SH3GL2: variants seen among roughly 807,000 people sequenced by gnomAD.
SH3GL2 encodes the protein endophilin-A1.
Under a neutral mutation model 46.0 loss-of-function variants are expected in SH3GL2, and 24 were observed. The ratio of observed to expected loss-of-function variants is 0.52; its 90% CI spans 0.38 to 0.73. The LOEUF (loss-of-function observed/expected upper bound fraction) is 0.73. Among genes scored for constraint, SH3GL2 ranks in the 30% least tolerant of loss-of-function variants. SH3GL2 has a pLI of 0.00. For missense variants in SH3GL2, 413 were observed against 424.2 expected, an observed-to-expected ratio of 0.97 and a Z score of 0.23; for synonymous variants, 196 against 147.1, an observed-to-expected ratio of 1.33 and a Z score of -2.40.
chr9:17,743,394 G>A (rs1415701220), intron 1 of SH3GL2, among the ~76,000 whole-genome samples: 1 of 149,282 alleles, frequency 6.7e-6, no homozygotes, highest in Non-Finnish European at 1.5e-5. Flanking sequence ...CAGTATAAGT[G>A]TATCAGTACA....
At position 17,760,681 on chromosome 9, in the gene SH3GL2, G is replaced by T. The variant is rs1588310045; in HGVS notation, c.115-756G>T. 2.0e-5 allele frequency among the ~76,000 whole-genome samples: 3 copies of T among 152,054 alleles called. No individual in the cohort carries two copies. The South Asian group carries it at 6.2e-4, about 32-fold the overall frequency. On this transcript the variant is annotated intron_variant, in intron 2 of 8. Transcript: ENST00000380607. Reference sequence around the variant, plus strand: ...TTACATGTACATACCTTGAATAGGAGGATGCATTTATTCTCATTAGTCATT... The same window carrying T: ...TTACATGTACATACCTTGAATAGGATGATGCATTTATTCTCATTAGTCATT...
intron 1 of SH3GL2, among the ~76,000 whole-genome samples, chr9:17,580,320 T>C (rs1389540439): frequency 6.6e-6 from 1 of 152,226 alleles, no homozygotes; most frequent in African/African-American, 2.4e-5. Context: ...TTTCTCATAA[T>C]TTCTCGGAAG....
intron 1 of SH3GL2, among the ~76,000 whole-genome samples, chr9:17,617,277 C>T (rs765473923): frequency 3.9e-5 from 6 of 152,116 alleles, no homozygotes; most frequent in Non-Finnish European, 4.4e-5. Context: ...TAAAGTTGTA[C>T]ATATATGTAG....
At chr9:17,733,521 G>C (rs1563831674) in intron 1 of SH3GL2, among the ~76,000 whole-genome samples, 3 of 150,832 alleles carry the variant, frequency 2.0e-5, no homozygotes. Flanking sequence ...CACTGTTGGT[G>C]GGACTGTAAA....
intron 1 of SH3GL2, among the ~76,000 whole-genome samples, chr9:17,638,081 C>T (rs923270049): frequency 4.0e-5 from 6 of 151,454 alleles, no homozygotes; most frequent in South Asian, 2.1e-4. Context: ...GGCATGAACC[C>T]GGGAGGCGGA....
At chr9:17,633,486 A>G (rs1346505987) in intron 1 of SH3GL2, among the ~76,000 whole-genome samples, 1 of 152,254 alleles carries the variant, frequency 6.6e-6, no homozygotes, top group Non-Finnish European at 1.5e-5. Flanking sequence ...TGTTTTGCAT[A>G]TCGTCAAAAT....
intron 1 of SH3GL2, among the ~76,000 whole-genome samples, chr9:17,605,333 A>G (rs1818743484): frequency 6.6e-6 from 1 of 152,072 alleles, no homozygotes; most frequent in African/African-American, 2.4e-5. Flanking sequence ...CTACTGACTC[A>G]TCCTCTTCCT....
rs945251977 is a variant in SH3GL2, at chr9:17,579,079, T to A, written c.-164T>A. The stretch of plus-strand genomic sequence containing the variant: ...CCCGCCCTTGACGTCAGAGTGTTTC[T>A]CCGCAAGAGCCCGTGTCCCGCTAGG... On this transcript the variant is annotated 5_prime_UTR_variant, in exon 1 of 9. Transcript: ENST00000380607. The A allele has an allele frequency of 1.1e-5, 5 of 473,210 alleles. No individual in the cohort carries two copies. Among genetic ancestry groups the A allele is most frequent in the Non-Finnish European group, 1.8e-5 (5 of 273,524 alleles). The allele number at this position is 473,210 out of a possible 1,614,324, so 29.3% of individuals were successfully genotyped here. A position where few individuals can be genotyped will look rare whatever the true frequency, so the allele number is the denominator to read the frequency against.
At chr9:17,680,725 G>T (rs1247546437) in intron 1 of SH3GL2, among the ~76,000 whole-genome samples, 2 of 152,020 alleles carry the variant, frequency 1.3e-5, no homozygotes, top group East Asian at 1.9e-4. Flanking sequence ...TGATGTTAGG[G>T]TGTGAATTTT....
At position 17,585,813 on chromosome 9, in the gene SH3GL2, G is replaced by T. The variant is rs1179394135; in HGVS notation, c.45+6526G>T. Among the ~76,000 whole-genome samples the T allele has an allele frequency of 5.3e-5, 8 of 152,338 alleles. No individual in the cohort carries two copies. The East Asian group carries it at 1.4e-3, about 26-fold the overall frequency. ...TTGTGCACCTGGTTACCTGGGTGGG[G>T]TGTTCACAGTTAGCGTATGTGGGAA... On this transcript the variant is annotated intron_variant, in intron 1 of 8. Transcript: ENST00000380607.
intron 1 of SH3GL2, among the ~76,000 whole-genome samples, chr9:17,624,838 C>T (rs1461406866): frequency 6.6e-6 from 1 of 152,124 alleles, no homozygotes; most frequent in Non-Finnish European, 1.5e-5. Flanking sequence ...CCATTTGCTT[C>T]TGTGCTGTGT....
chr9:17,636,842 G>A (rs910487499), intron 1 of SH3GL2, among the ~76,000 whole-genome samples: 3 of 152,268 alleles, frequency 2.0e-5, no homozygotes, highest in African/African-American at 7.2e-5. Context: ...TATAACAATT[G>A]CCTGCCCTGT....
chr9:17,635,102 C>T (rs920368858), intron 1 of SH3GL2, among the ~76,000 whole-genome samples: 2 of 152,018 alleles, frequency 1.3e-5, no homozygotes, highest in African/African-American at 4.8e-5. Context: ...AGCCTAGTAC[C>T]CATTAGTTAT....
At chr9:17,636,669 C>G (rs1041194366) in intron 1 of SH3GL2, among the ~76,000 whole-genome samples, 1 of 152,144 alleles carries the variant, frequency 6.6e-6, no homozygotes. Flanking sequence ...CCTCATCACC[C>G]TTATATCAAC....
intron 1 of SH3GL2, among the ~76,000 whole-genome samples, chr9:17,711,805 T>G (rs1386034004): frequency 6.6e-6 from 1 of 151,840 alleles, no homozygotes; most frequent in Non-Finnish European, 1.5e-5. Context: ...TTTTAATGGA[T>G]GTATGTTTTC....
intron 1 of SH3GL2, among the ~76,000 whole-genome samples, chr9:17,645,151 C>CTTTTTTTTT (rs57611978): frequency 7.3e-5 from 5 of 68,780 alleles, no homozygotes; most frequent in Admixed American, 1.9e-4. Flanking sequence ...GCAAACGCTG[C>CTTTTTTTTT]TTTTTTTTTT....
chr9:17,783,710 TA>T (rs1240431374), intron 3 of SH3GL2, among the ~76,000 whole-genome samples: 7 of 152,274 alleles, frequency 4.6e-5, no homozygotes, highest in Non-Finnish European at 1.0e-4. Flanking sequence ...GTCAGCCTTT[TA>T]TGGTCATCCT....
chr9:17,699,183 A>G (rs1319449440), intron 1 of SH3GL2, among the ~76,000 whole-genome samples: 1 of 151,056 alleles, frequency 6.6e-6, no homozygotes, highest in Non-Finnish European at 1.5e-5. Flanking sequence ...AAAATCAAAT[A>G]CAGAAAGACA....
At chr9:17,632,061 C>A (rs1026045681) in intron 1 of SH3GL2, among the ~76,000 whole-genome samples, 1 of 152,074 alleles carries the variant, frequency 6.6e-6, no homozygotes, top group Non-Finnish European at 1.5e-5. Context: ...GCTTTCTTAA[C>A]CACATAAAAC....
Sources: allele counts gnomAD v4.1 joint callset (sites outside exome capture counted in the v4.1 genomes callset), GRCh38; gene constraint gnomAD v4.1.1; transcripts MANE v1.5; gene names NCBI Gene and HGNC (gene_info 2026-07-23, HGNC 2026-07-21).